The following CACNG4 variants were observed in gnomAD, a reference collection of about 807,000 sequenced individuals.
CACNG4 encodes the protein calcium voltage-gated channel auxiliary subunit gamma 4, also known as voltage-dependent calcium channel gamma-4 subunit.
CACNG4 carries 8 observed loss-of-function variants against 22.9 expected under a neutral mutation model. That is an observed-to-expected ratio of 0.35 (90% CI 0.21 to 0.63). The LOEUF is 0.63. Among genes scored for constraint, CACNG4 ranks in the 30% least tolerant of loss-of-function variants. The pLI is 0.72. For synonymous variants in CACNG4, 188 were observed against 191.9 expected, an observed-to-expected ratio of 0.98 and a Z score of 0.17; for missense variants, 357 against 455.4, an observed-to-expected ratio of 0.78 and a Z score of 1.97.
chr17:66,997,489 T>C (rs1483687200), intron 1 of CACNG4, among the ~76,000 whole-genome samples: 1 of 152,136 alleles, frequency 6.6e-6, no homozygotes, highest in African/African-American at 2.4e-5. Flanking sequence ...GGGGATGGGA[T>C]GCCTGAGTCT....
chr17:66,993,912 C>T (rs1416692838), intron 1 of CACNG4, among the ~76,000 whole-genome samples: 1 of 152,180 alleles, frequency 6.6e-6, no homozygotes, highest in Non-Finnish European at 1.5e-5. Context: ...AGCCATCACA[C>T]CCGGCCAATG....
chr17:66,972,940 A>G (rs1212342260), intron 1 of CACNG4, among the ~76,000 whole-genome samples: 1 of 147,252 alleles, frequency 6.8e-6, no homozygotes, highest in Non-Finnish European at 1.5e-5. Context: ...ACAAAAACAA[A>G]AACAAACAAA....
intron 3 of CACNG4, among the ~76,000 whole-genome samples, chr17:67,029,876 T>A (rs1369412202): frequency 6.6e-6 from 1 of 152,224 alleles, no homozygotes; most frequent in Non-Finnish European, 1.5e-5. Flanking sequence ...GCAGTTTCAC[T>A]GCAAGGAATG....
At chr17:66,994,312 G>C (rs1195279786) in intron 1 of CACNG4, among the ~76,000 whole-genome samples, 1 of 146,166 alleles carries the variant, frequency 6.8e-6, no homozygotes, top group African/African-American at 2.5e-5. Flanking sequence ...GGGTGACAGA[G>C]CGAGACCCTA....
chr17:66,991,019 A>G (rs1207650625), intron 1 of CACNG4, among the ~76,000 whole-genome samples: 4 of 152,128 alleles, frequency 2.6e-5, no homozygotes, highest in Non-Finnish European at 5.9e-5. Flanking sequence ...TTAATACCAG[A>G]CTCAAAGGGC....
chr17:66,966,002 T>A (rs35445085), intron 1 of CACNG4, among the ~76,000 whole-genome samples: 61,804 of 151,964 alleles, frequency 0.41, 13,908 homozygotes, highest in Non-Finnish European at 0.51. Context: ...AGGGGCGTGG[T>A]CATCTCGTCG....
At chr17:66,969,162 G>C (rs2035189321) in intron 1 of CACNG4, among the ~76,000 whole-genome samples, 1 of 152,240 alleles carries the variant, frequency 6.6e-6, no homozygotes, top group African/African-American at 2.4e-5. Flanking sequence ...GGACAGAAGA[G>C]CCCGTGTAGA....
In CACNG4 at chr17:66,983,411, G is replaced by A. The variant is rs73997305; in HGVS notation, c.220+18280G>A. Among the ~76,000 whole-genome samples the A allele has an allele frequency of 5.5e-3, 838 of 152,276 alleles. 7 individuals are homozygous for A. The highest frequency in any genetic ancestry group is 0.02 in the African/African-American group (812 of 41,544). Reference sequence around the variant, plus strand: ...AACCCATGGTGACCCCAGGAATCTGGGGCCACAGTGAAGGCTACCCAGGCT... The same window carrying A: ...AACCCATGGTGACCCCAGGAATCTGAGGCCACAGTGAAGGCTACCCAGGCT... On this transcript the variant is annotated intron_variant, in intron 1 of 3. Transcript: ENST00000262138.
chr17:66,993,094 A>C (rs1036653818), intron 1 of CACNG4, among the ~76,000 whole-genome samples: 3 of 151,768 alleles, frequency 2.0e-5, no homozygotes, highest in African/African-American at 7.3e-5. Context: ...TGTGGTGCTC[A>C]GCTGGCATCC....
intron 1 of CACNG4, among the ~76,000 whole-genome samples, chr17:67,004,654 C>T (rs146936336): frequency 3.0e-4 from 45 of 152,304 alleles, no homozygotes; most frequent in African/African-American, 1.1e-3. Context: ...AGTGAAGGTA[C>T]AGCTGGTTGG....
At chr17:66,993,089 T>C (rs3785592) in intron 1 of CACNG4, among the ~76,000 whole-genome samples, 33,391 of 152,164 alleles carry the variant, frequency 0.22, 6,714 homozygotes, top group African/African-American at 0.54. Flanking sequence ...GCACCTGTGG[T>C]GCTCAGCTGG....
In CACNG4 at chr17:66,984,285, G is replaced by A. The variant is rs2035293207; in HGVS notation, c.220+19154G>A. 6.6e-6 allele frequency among the ~76,000 whole-genome samples: 1 copy of A among 152,172 alleles called. No homozygotes were observed. Among genetic ancestry groups the A allele is most frequent in the Non-Finnish European group, 1.5e-5 (1 of 68,038 alleles). On this transcript the variant is annotated intron_variant, in intron 1 of 3. Transcript: ENST00000262138. The surrounding 1 kb of genome is among the most constrained non-coding windows in gnomAD (Gnocchi z 4.0). ...AGCCCTAGCTACACAGGAGGCTGAG[G>A]TGGGAGGATTGCCTGAGCCCTGGAG...
At chr17:66,990,868 G>C (rs903561666) in intron 1 of CACNG4, among the ~76,000 whole-genome samples, 3 of 151,834 alleles carry the variant, frequency 2.0e-5, no homozygotes, top group Admixed American at 1.3e-4. Flanking sequence ...TTTTAGTAGA[G>C]ACGGGGTTTC....
In CACNG4 at chr17:67,031,895, G is replaced by A; in HGVS notation, c.*891G>A. 1 of 456,726 alleles carries A rather than the reference G, an allele frequency of 2.2e-6. No homozygotes were observed. Among genetic ancestry groups the A allele is most frequent in the Non-Finnish European group, 4.4e-6 (1 of 226,994 alleles). The allele number at this position is 456,726 out of a possible 1,614,324, so 28.3% of individuals were successfully genotyped here. A position where few individuals can be genotyped will look rare whatever the true frequency, so the allele number is the denominator to read the frequency against. ...GGGGGTCCCGGGGGAGAGGTGGACA[G>A]ACACCTCCCTCCAACTGGCATTTGG... is the stretch of plus-strand genomic sequence containing the variant. On this transcript the variant is annotated 3_prime_UTR_variant, in exon 4 of 4. Transcript: ENST00000262138. The surrounding 1 kb of genome is among the most constrained non-coding windows in gnomAD (Gnocchi z 4.0).
intron 1 of CACNG4, among the ~76,000 whole-genome samples, chr17:67,010,353 A>G (rs2035461580): frequency 6.6e-6 from 1 of 151,942 alleles, no homozygotes; most frequent in South Asian, 2.1e-4. Context: ...GTGCTTCCCC[A>G]TCATGCTGAA....
At chr17:67,008,285 T>C (rs7217856) in intron 1 of CACNG4, among the ~76,000 whole-genome samples, 32,831 of 151,946 alleles carry the variant, frequency 0.22, 3,838 homozygotes, top group South Asian at 0.35. Flanking sequence ...CAGGAACCCA[T>C]GGAGAGGTTT....
chr17:67,002,479 C>G (rs2035413951), intron 1 of CACNG4, among the ~76,000 whole-genome samples: 1 of 152,188 alleles, frequency 6.6e-6, no homozygotes, highest in South Asian at 2.1e-4. Flanking sequence ...AAGAACTGTT[C>G]TCAGCCCTGG....
At chr17:66,981,168 A>G (rs2035270107) in intron 1 of CACNG4, among the ~76,000 whole-genome samples, 1 of 152,042 alleles carries the variant, frequency 6.6e-6, no homozygotes, top group Non-Finnish European at 1.5e-5. Flanking sequence ...TCAGAATGTT[A>G]CCTTCTGTTC....
In CACNG4 at chr17:66,984,600, G is replaced by A. The variant is rs368572363; in HGVS notation, c.220+19469G>A. Reference sequence around the variant, plus strand: ...CACTTATTTTTGCACCCAGCCTCTTGGGAACAGGGTTTGACCTTCTGGAGG... The same window carrying A: ...CACTTATTTTTGCACCCAGCCTCTTAGGAACAGGGTTTGACCTTCTGGAGG... On this transcript the variant is annotated intron_variant, in intron 1 of 3. Transcript: ENST00000262138. The surrounding 1 kb of genome is among the most constrained non-coding windows in gnomAD (Gnocchi z 4.0). Among the ~76,000 whole-genome samples, 39 of 152,246 alleles carry A rather than the reference G, an allele frequency of 2.6e-4. No homozygotes were observed. Among genetic ancestry groups the A allele is most frequent in the African/African-American group, 9.1e-4 (38 of 41,542 alleles).
Sources: gnomAD v4.1 joint callset for allele counts (sites outside exome capture counted in the v4.1 genomes callset) on GRCh38, gnomAD v4.1.1 for gene constraint, Gnocchi (gnomAD v3.1) non-coding constraint, MANE v1.5 for transcripts, NCBI Gene and HGNC (gene_info 2026-07-23, HGNC 2026-07-21) for gene names.